The following DTNA variants were observed in gnomAD, a reference collection of about 807,000 sequenced individuals.
The protein encoded by DTNA is dystrobrevin alpha.
DTNA carries 43 observed loss-of-function variants against 100.7 expected under a neutral mutation model. The observed-to-expected ratio is 0.43, with a 90% CI of 0.33 to 0.55. DTNA has a LOEUF of 0.55. Ranked by LOEUF, DTNA falls within the 20% of genes least tolerant of loss-of-function variation. The pLI, the probability that DTNA is intolerant of heterozygous loss-of-function variation, is 0.04. For missense variants in DTNA, 798 were observed against 953.9 expected (o/e 0.84, Z 2.15); for synonymous variants, 349 against 347.9 (o/e 1.00, Z -0.04).
At chr18:34,607,162 T>G (rs1420785706) in intron 1 of DTNA, among the ~76,000 whole-genome samples, 1 of 152,196 alleles carries the variant, frequency 6.6e-6, no homozygotes, top group African/African-American at 2.4e-5. Context: ...GATGCACCAT[T>G]TTTATCCAAT....
intron 1 of DTNA, among the ~76,000 whole-genome samples, chr18:34,684,717 C>T (rs1027984684): frequency 1.3e-5 from 2 of 152,136 alleles, no homozygotes; most frequent in African/African-American, 4.8e-5. Context: ...CTTGAGGAAT[C>T]ACCACACTGT....
At chr18:34,745,352 A>C (rs1389603512) in intron 1 of DTNA, among the ~76,000 whole-genome samples, 6 of 152,216 alleles carry the variant, frequency 3.9e-5, no homozygotes, top group Non-Finnish European at 5.9e-5. Context: ...AGAAGCCCAG[A>C]TCACAATTAG....
chr18:34,643,514 A>G (rs945839967), intron 1 of DTNA, among the ~76,000 whole-genome samples: 7 of 152,166 alleles, frequency 4.6e-5, no homozygotes, highest in African/African-American at 1.7e-4. Flanking sequence ...TCAATTCCAC[A>G]TATTTCATGA....
intron 2 of DTNA, among the ~76,000 whole-genome samples, chr18:34,764,577 G>A (rs1185235659): frequency 6.6e-6 from 1 of 152,182 alleles, no homozygotes; most frequent in Non-Finnish European, 1.5e-5. Context: ...TTAATGATCT[G>A]CTTTGTAAAA....
chr18:34,591,134 A>G (rs558152406), intron 1 of DTNA, among the ~76,000 whole-genome samples: 1 of 152,200 alleles, frequency 6.6e-6, no homozygotes, highest in South Asian at 2.1e-4. Context: ...TATTTTTCTT[A>G]TAAGCCACCA....
chr18:34,544,554 C>T (rs569193411), intron 1 of DTNA, among the ~76,000 whole-genome samples: 4 of 152,190 alleles, frequency 2.6e-5, no homozygotes, highest in Admixed American at 6.5e-5. Flanking sequence ...TTCTATGGAA[C>T]GTTCTAAACT....
At chr18:34,542,496 A>G (rs900773886) in intron 1 of DTNA, among the ~76,000 whole-genome samples, 5 of 152,004 alleles carry the variant, frequency 3.3e-5, no homozygotes, top group African/African-American at 7.2e-5. Context: ...TAATGACTAC[A>G]TAGTAACCCA....
chr18:34,785,686 A>G (rs2094484430), intron 3 of DTNA, among the ~76,000 whole-genome samples: 1 of 152,192 alleles, frequency 6.6e-6, no homozygotes, highest in African/African-American at 2.4e-5. Context: ...ATACCTCTGA[A>G]TATATACAAT....
intron 1 of DTNA, among the ~76,000 whole-genome samples, chr18:34,629,170 C>T (rs1478639016): frequency 6.6e-6 from 1 of 152,120 alleles, no homozygotes; most frequent in Non-Finnish European, 1.5e-5. Flanking sequence ...CACTACAGCT[C>T]AACTTCAGCT....
chr18:34,873,706 G>A (rs1036060835), intron 17 of DTNA, among the ~76,000 whole-genome samples: 2 of 152,196 alleles, frequency 1.3e-5, no homozygotes, highest in African/African-American at 4.8e-5. Flanking sequence ...AAAACCCTTT[G>A]AACATCATAA....
intron 1 of DTNA, among the ~76,000 whole-genome samples, chr18:34,596,841 A>C (rs2050711262): frequency 6.6e-6 from 1 of 152,158 alleles, no homozygotes; most frequent in Non-Finnish European, 1.5e-5. Context: ...TGAGCTGTCA[A>C]CACCACCTAA....
intron 1 of DTNA, among the ~76,000 whole-genome samples, chr18:34,722,368 G>T (rs949847744): frequency 6.6e-6 from 1 of 151,970 alleles, no homozygotes; most frequent in African/African-American, 2.4e-5. Flanking sequence ...GCTGTGCATA[G>T]CAACAGGAAA....
Position 34,883,363 on chromosome 18 carries a change from G to A in DTNA, c.2295+1162G>A, listed in dbSNP as rs2096892331. ...GTCTCATTCTGTTGCCCAGGCTGGA[G>A]TGCAGTTGCCCAATCATAGCTCACT... On this transcript the variant is annotated intron_variant, in intron 21 of 22. Transcript: ENST00000444659. Among the ~76,000 whole-genome samples the A allele has an allele frequency of 2.0e-5, 3 of 151,506 alleles. No individual in the cohort carries two copies. The South Asian group carries it at 6.3e-4, about 32-fold the overall frequency.
intron 1 of DTNA, among the ~76,000 whole-genome samples, chr18:34,605,324 C>A (rs2052813575): frequency 1.3e-5 from 2 of 151,928 alleles, no homozygotes; most frequent in African/African-American, 4.8e-5. Context: ...AATGTATGGA[C>A]CCACATGTCC....
At position 34,888,715 on chromosome 18, in the gene DTNA, T is replaced by C; in HGVS notation, c.*981T>C. ...AAACGGACTAAAGTTATCTCTGCTC[T>C]TCCATGGTCTTGTTCCTCTCGTTTT... is the stretch of plus-strand genomic sequence containing the variant. On this transcript the variant is annotated 3_prime_UTR_variant, in exon 23 of 23. Transcript: ENST00000444659. 21 of 985,924 alleles carry C rather than the reference T, an allele frequency of 2.1e-5. No individual in the cohort carries two copies. The highest frequency in any genetic ancestry group is 2.5e-5 in the Non-Finnish European group (21 of 829,956). The allele number at this position is 985,924 out of a possible 1,614,324, so 61.1% of individuals were successfully genotyped here.
chr18:34,630,881 A>G (rs908552084), intron 1 of DTNA, among the ~76,000 whole-genome samples: 5 of 152,332 alleles, frequency 3.3e-5, no homozygotes, highest in African/African-American at 1.2e-4. Flanking sequence ...AAGCTGTGAA[A>G]TCATCAGCAT....
At chr18:34,813,590 C>T (rs1181131042) in intron 6 of DTNA, among the ~76,000 whole-genome samples, 2 of 152,056 alleles carry the variant, frequency 1.3e-5, no homozygotes, top group Admixed American at 1.3e-4. Flanking sequence ...TGAGGTGGCT[C>T]ACTCCTGTAA....
At chr18:34,526,512 A>G (rs190728174) in intron 1 of DTNA, among the ~76,000 whole-genome samples, 29 of 152,232 alleles carry the variant, frequency 1.9e-4, no homozygotes, top group African/African-American at 7.0e-4. Context: ...AAATACTGAT[A>G]ACAGTTCCTA....
At chr18:34,635,929 A>G (rs1252485446) in intron 1 of DTNA, among the ~76,000 whole-genome samples, 2 of 152,094 alleles carry the variant, frequency 1.3e-5, no homozygotes, top group East Asian at 1.9e-4. Context: ...AAACCTGTGA[A>G]ATATCCAAGA....
Sources: gnomAD v4.1 joint callset for allele counts (sites outside exome capture counted in the v4.1 genomes callset) on GRCh38, gnomAD v4.1.1 for gene constraint, MANE v1.5 for transcripts, NCBI Gene and HGNC (gene_info 2026-07-23, HGNC 2026-07-21) for gene names.